POLK: variants seen among roughly 807,000 people sequenced by gnomAD.
The protein encoded by POLK is polymerase (DNA directed) kappa.
POLK carries 76 observed loss-of-function variants against 94.0 expected under a neutral mutation model. That is an observed-to-expected ratio of 0.81 (90% CI 0.67 to 0.98). The LOEUF (loss-of-function observed/expected upper bound fraction) is 0.98. Among genes scored for constraint, POLK ranks in the 50% least tolerant of loss-of-function variants. POLK has a pLI of 0.00. For missense variants in POLK, 954 were observed against 1,010.1 expected (o/e 0.94, Z 0.75); for synonymous variants, 349 against 325.4 (o/e 1.07, Z -0.78).
exon 9 of POLK, chr5:75,584,787 A>G: frequency 6.4e-7 from 1 of 1,562,800 alleles, no homozygotes; most frequent in Non-Finnish European, 8.7e-7. Context: ...AGTTACAGAG[A>G]AAATGTTAAA....
At chr5:75,537,447 G>A (rs953122131) in intron 1 of POLK, among the ~76,000 whole-genome samples, 13 of 152,178 alleles carry the variant, frequency 8.5e-5, no homozygotes, top group African/African-American at 2.2e-4. Context: ...TCATTCCTCC[G>A]TGCTCTCTGT....
rs534432111 is a variant in POLK at position 75,577,691 on chromosome 5, A to G, written c.694+758A>G. On this transcript the variant is annotated intron_variant, in intron 6 of 14. Transcript: ENST00000241436. ...ACTCATTGCTTCAGACGGGCCAGGC[A>G]GTGCTGGGGAGACCTGTTTGTAACT... Among the ~76,000 whole-genome samples the G allele has an allele frequency of 3.9e-5, 6 of 152,314 alleles. No individual in the cohort carries two copies. In the East Asian group the frequency reaches 9.6e-4, roughly 24 times the overall value.
intron 1 of POLK, among the ~76,000 whole-genome samples, chr5:75,520,015 T>C (rs776841211): frequency 3.3e-4 from 50 of 152,246 alleles, no homozygotes; most frequent in Non-Finnish European, 4.4e-4. Flanking sequence ...AATTAATTGC[T>C]GTTTATTTTT....
chr5:75,602,152 A>C (rs1458520422), downstream of POLK, among the ~76,000 whole-genome samples: 1 of 152,196 alleles, frequency 6.6e-6, no homozygotes, highest in East Asian at 1.9e-4. Flanking sequence ...CAACCAAGGA[A>C]GCTCAACCAA....
At chr5:75,582,922 C>A in intron 7 of POLK, 1 of 161,784 alleles carries the variant, frequency 6.2e-6, no homozygotes, top group Non-Finnish European at 1.3e-5. Context: ...GCACTCCAGC[C>A]TGGGCGACAG....
intron 1 of POLK, among the ~76,000 whole-genome samples, chr5:75,515,350 A>G (rs1013060889): frequency 4.0e-4 from 61 of 152,320 alleles, no homozygotes; most frequent in African/African-American, 1.4e-3. Flanking sequence ...GCAAACCCAA[A>G]TTTTTATTCC....
intron 1 of POLK, among the ~76,000 whole-genome samples, chr5:75,532,458 CTT>C (rs745417117): frequency 6.8e-6 from 1 of 146,852 alleles, no homozygotes; most frequent in Non-Finnish European, 1.5e-5. Context: ...ATATGTACCA[CTT>C]TTTTTTTTTT....
intron 1 of POLK, among the ~76,000 whole-genome samples, chr5:75,537,855 T>TTTTTATTG (rs1769527394): frequency 6.6e-6 from 1 of 152,058 alleles, no homozygotes; most frequent in Non-Finnish European, 1.5e-5. Context: ...TTTTTTTATT[T>TTTTTATTG]TTATTTATTT....
exon 13 of POLK, chr5:75,596,262 A>G: frequency 6.2e-7 from 1 of 1,611,848 alleles, no homozygotes; most frequent in South Asian, 1.1e-5. Context: ...AGGACAGGAA[A>G]CACCAACAAA....
At chr5:75,530,538 T>A (rs761921854) in intron 1 of POLK, among the ~76,000 whole-genome samples, 21 of 151,388 alleles carry the variant, frequency 1.4e-4, no homozygotes, top group Non-Finnish European at 2.7e-4. Flanking sequence ...TGGATAATTG[T>A]ATTACCTTAT....
chr5:75,518,185 G>C (rs2112526008), intron 1 of POLK, among the ~76,000 whole-genome samples: 1 of 152,104 alleles, frequency 6.6e-6, no homozygotes, highest in East Asian at 1.9e-4. Context: ...GTTTTGTTTT[G>C]TTTTGGAAGA....
intron 2 of POLK, among the ~76,000 whole-genome samples, chr5:75,550,866 A>T (rs901198965): frequency 5.3e-5 from 8 of 152,060 alleles, no homozygotes; most frequent in Admixed American, 5.2e-4. Flanking sequence ...AAGAATGTCC[A>T]CTCTCACCTT....
rs1482146798 is a variant in POLK, at chr5:75,574,751, CTG to C, written c.540+885_540+886del. 6.6e-5 allele frequency among the ~76,000 whole-genome samples: 10 copies of C among 152,204 alleles called. No homozygotes were observed. In the South Asian group the frequency reaches 1.9e-3, roughly 28 times the overall value. ...TTGTTTTTTTTCTGTCCAAGGCAGT[CTG>C]TGACAGCAAGTGCTTTTTGCATACC... On this transcript the variant is annotated intron_variant, in intron 5 of 14. Coordinates refer to ENST00000241436, the Ensembl canonical transcript of POLK.
At chr5:75,596,886 C>T in exon 13 of POLK, 4 of 1,613,524 alleles carry the variant, frequency 2.5e-6, no homozygotes, top group African/African-American at 1.3e-5. Context: ...GTTCTAGTCT[C>T]CCAAGCAAGT....
chr5:75,529,989 C>T (rs866389169), intron 1 of POLK, among the ~76,000 whole-genome samples: 17 of 152,254 alleles, frequency 1.1e-4, no homozygotes, highest in Middle Eastern at 6.8e-3. Context: ...ACAACAAAAA[C>T]TTTCCTTTTT....
intron 7 of POLK, chr5:75,582,170 A>T (rs1384552142): frequency 1.0e-6 from 1 of 982,626 alleles, no homozygotes; most frequent in African/African-American, 1.7e-5. Flanking sequence ...AATCCAGAAC[A>T]ATCTGGTAAA....
chr5:75,596,454 C>A (rs369731760), exon 13 of POLK: 42 of 1,613,450 alleles, frequency 2.6e-5, no homozygotes, highest in Non-Finnish European at 3.5e-5. Context: ...AATGTGAAGC[C>A]GTGAATAAAC....
intron 3 of POLK, among the ~76,000 whole-genome samples, chr5:75,560,122 A>G (rs1358815094): frequency 6.6e-6 from 1 of 152,208 alleles, no homozygotes; most frequent in Admixed American, 6.5e-5. Flanking sequence ...TAGTGCTAAC[A>G]TTTACTAGCT....
chr5:75,542,078 G>A (rs568506119), intron 1 of POLK, among the ~76,000 whole-genome samples: 5 of 152,092 alleles, frequency 3.3e-5, no homozygotes, highest in East Asian at 3.9e-4. Flanking sequence ...AGAGAATAAC[G>A]AGCATTTAAT....
Sources: gnomAD v4.1 joint callset for allele counts (sites outside exome capture counted in the v4.1 genomes callset) on GRCh38, gnomAD v4.1.1 for gene constraint, MANE v1.5 for transcripts, NCBI Gene and HGNC (gene_info 2026-07-23, HGNC 2026-07-21) for gene names.